Variants in PAPSS1 observed in about 807,000 individuals in gnomAD.
PAPSS1 encodes the protein bifunctional 3'-phosphoadenosine 5'-phosphosulfate synthase 1.
Under a neutral mutation model 72.0 loss-of-function variants are expected in PAPSS1, and 50 were observed. That is an observed-to-expected ratio of 0.69 (90% confidence interval 0.55 to 0.88). The LOEUF (loss-of-function observed/expected upper bound fraction) is 0.88, where lower values mean the gene tolerates loss of function less well. PAPSS1 is among the 40% of genes least tolerant of loss of function. PAPSS1 has a pLI of 0.00. For synonymous variants in PAPSS1, 261 were observed against 263.6 expected (o/e 0.99, Z 0.09); for missense variants, 657 against 782.2 (o/e 0.84, Z 1.91).
chr4:107,650,539 G>A (rs756870012), intron 9 of PAPSS1, among the ~76,000 whole-genome samples: 2 of 152,068 alleles, frequency 1.3e-5, no homozygotes, highest in African/African-American at 4.8e-5. Flanking sequence ...TCAAATTTTG[G>A]CAAAAATTTA....
At chr4:107,678,395 C>T (rs1334412971) in intron 5 of PAPSS1, among the ~76,000 whole-genome samples, 1 of 151,788 alleles carries the variant, frequency 6.6e-6, no homozygotes, top group Non-Finnish European at 1.5e-5. Flanking sequence ...GAGAGCATCA[C>T]CTAACAAGTG....
intron 1 of PAPSS1, among the ~76,000 whole-genome samples, chr4:107,719,187 G>GTTTGTT (rs1553923215): frequency 6.8e-6 from 1 of 146,416 alleles, no homozygotes; most frequent in Non-Finnish European, 1.5e-5. Context: ...GAAATTGCTT[G>GTTTGTT]TTTTTTTTTT....
chr4:107,672,690 G>A (rs1394220445), intron 5 of PAPSS1, among the ~76,000 whole-genome samples: 9 of 152,180 alleles, frequency 5.9e-5, no homozygotes, highest in South Asian at 2.1e-4. Flanking sequence ...AGACTTAAAC[G>A]TCCCTGTCTG....
chr4:107,672,435 C>T (rs915043336), intron 5 of PAPSS1, among the ~76,000 whole-genome samples: 5 of 152,208 alleles, frequency 3.3e-5, no homozygotes, highest in South Asian at 2.1e-4. Flanking sequence ...GTGCCAGGCT[C>T]GGAGGGTCCT....
chr4:107,680,786 A>G (rs941556744), intron 5 of PAPSS1, among the ~76,000 whole-genome samples: 2 of 152,196 alleles, frequency 1.3e-5, no homozygotes, highest in Non-Finnish European at 2.9e-5. Context: ...GATTAGAATA[A>G]GAGTGCAGAA....
rs201232354 is a variant in PAPSS1 at position 107,654,809 on chromosome 4, C to T, written c.987G>A (p.Met329Ile). 2.5e-6 allele frequency: 4 copies of T among 1,614,008 alleles called. No homozygotes were observed. Among genetic ancestry groups the T allele is most frequent in the East Asian group, 4.5e-5 (2 of 44,874 alleles). ...GAATGGCCACACGGCGGCCCTCATA[C>T]ATCAGAGCAAATGCTGTACAGCCGT... The part of the protein sequence containing the change: ...RLDGCTAFAL[M>I]YEGRRVAILR... The change falls in exon 8 of 12, where the codon ATG (methionine) becomes ATA (isoleucine). Residue 329 changes from methionine (M) to isoleucine (I), a missense_variant. By Grantham distance (10) the Met-to-Ile change is conservative. Coordinates refer to ENST00000265174, the MANE Select transcript of PAPSS1 (RefSeq NM_005443.5).
intron 4 of PAPSS1, among the ~76,000 whole-genome samples, chr4:107,684,486 A>AT (rs1194628175): frequency 4.6e-5 from 7 of 151,964 alleles, no homozygotes; most frequent in Non-Finnish European, 1.0e-4. Context: ...ACAAAACTAT[A>AT]TTTTTTTCTT....
At chr4:107,620,655 CT>C (rs1725930946) in intron 11 of PAPSS1, among the ~76,000 whole-genome samples, 1 of 152,122 alleles carries the variant, frequency 6.6e-6, no homozygotes, top group Non-Finnish European at 1.5e-5. Context: ...TTGCCATCCT[CT>C]TCCCCCTCCC....
At chr4:107,702,288 T>G (rs1251002937) in intron 1 of PAPSS1, among the ~76,000 whole-genome samples, 1 of 152,072 alleles carries the variant, frequency 6.6e-6, no homozygotes, top group African/African-American at 2.4e-5. Flanking sequence ...CAATACAGAG[T>G]TATCATATGA....
chr4:107,653,381 G>T, intron 9 of PAPSS1, 110 bp downstream of exon 9: 1 of 852,512 alleles, frequency 1.2e-6, no homozygotes, highest in Non-Finnish European at 1.7e-6. Flanking sequence ...ATATTCCACT[G>T]CTATATTTAC....
chr4:107,677,318 A>C (rs1578415759), intron 5 of PAPSS1, among the ~76,000 whole-genome samples: 1 of 152,186 alleles, frequency 6.6e-6, no homozygotes, highest in East Asian at 1.9e-4. Context: ...GAATCTATAA[A>C]GAACTCAAAT....
intron 11 of PAPSS1, among the ~76,000 whole-genome samples, chr4:107,628,747 G>A (rs1165134008): frequency 6.6e-6 from 1 of 152,170 alleles, no homozygotes; most frequent in East Asian, 1.9e-4. Context: ...AAATAACTAG[G>A]TGCTATAGAT....
intron 3 of PAPSS1, among the ~76,000 whole-genome samples, chr4:107,691,342 G>A (rs1193018969): frequency 6.6e-6 from 1 of 152,152 alleles, no homozygotes; most frequent in East Asian, 1.9e-4. Flanking sequence ...CTATGTTGTA[G>A]GCATTACTTG....
chr4:107,670,246 A>C lies in PAPSS1; in HGVS notation c.670-10174T>G, dbSNP rs78226702. Among the ~76,000 whole-genome samples the C allele has an allele frequency of 1.6e-4, 24 of 152,320 alleles. No individual in the cohort carries two copies. In the East Asian group the frequency reaches 4.6e-3, roughly 29 times the overall value. On this transcript the variant is annotated intron_variant, in intron 5 of 11. Transcript: ENST00000265174. ...TTCTTTTTCAAGGATAATATCCTTGAATGAAACTGTCCAATCATCAGATTG... is the reference window on the plus strand; with the variant it reads ...TTCTTTTTCAAGGATAATATCCTTGCATGAAACTGTCCAATCATCAGATTG...
chr4:107,684,071 A>G (rs1722709183), intron 4 of PAPSS1, among the ~76,000 whole-genome samples: 1 of 152,198 alleles, frequency 6.6e-6, no homozygotes, highest in Admixed American at 6.5e-5. Context: ...GAAAGTAAAC[A>G]AGAAACTGGA....
chr4:107,654,754 T>C lies in PAPSS1; in HGVS notation c.1042A>G (p.Lys348Glu), dbSNP rs921247408. ...CACTGTCTGGCACAGCGCTCCTCTTTCCTGTGCTCAAAAAACTCTGGATTG... is the reference window on the plus strand; with the variant it reads ...CACTGTCTGGCACAGCGCTCCTCTTCCCTGTGCTCAAAAAACTCTGGATTG... ...LRNPEFFEHR[K>E]EERCARQWGT... is the part of the protein sequence containing the mutation. Residue 348 changes from lysine (K) to glutamate (E), a missense_variant, in exon 8 of 12, where the codon AAA (lysine) becomes GAA (glutamate). Physicochemically the swap from Lys to Glu is moderately conservative, Grantham distance 56. Coordinates refer to ENST00000265174, the MANE Select transcript of PAPSS1 (RefSeq NM_005443.5). 3 of 1,613,734 alleles carry C rather than the reference T, an allele frequency of 1.9e-6. No homozygotes were observed. Among genetic ancestry groups the C allele is most frequent in the African/African-American group, 2.7e-5 (2 of 74,894 alleles).
chr4:107,635,016 T>G (rs902207093), intron 10 of PAPSS1, among the ~76,000 whole-genome samples: 20 of 152,240 alleles, frequency 1.3e-4, no homozygotes, highest in Non-Finnish European at 4.4e-5. Context: ...GCCAGGATGG[T>G]CTCGATCTCC....
intron 5 of PAPSS1, among the ~76,000 whole-genome samples, chr4:107,674,818 A>G (rs1220681096): frequency 5.9e-5 from 9 of 152,176 alleles, no homozygotes; most frequent in Non-Finnish European, 1.2e-4. Flanking sequence ...AAGAAAAGAA[A>G]TTATAACAAA....
At chr4:107,685,039 G>A (rs1722741601) in intron 4 of PAPSS1, among the ~76,000 whole-genome samples, 1 of 152,148 alleles carries the variant, frequency 6.6e-6, no homozygotes, top group Non-Finnish European at 1.5e-5. Context: ...CTGAGTAGCT[G>A]GGACTACAGG....
Sources: allele counts gnomAD v4.1 joint callset (sites outside exome capture counted in the v4.1 genomes callset), GRCh38; gene constraint gnomAD v4.1.1; transcripts MANE v1.5; gene names NCBI Gene and HGNC (gene_info 2026-07-23, HGNC 2026-07-21).